Variants in RAD51C observed in about 807,000 individuals in gnomAD.
The protein encoded by RAD51C is DNA repair protein RAD51 homolog 3.
RAD51C carries 42 observed loss-of-function variants against 45.0 expected under a neutral mutation model. The ratio of observed to expected loss-of-function variants is 0.93; its 90% confidence interval spans 0.73 to 1.21. The LOEUF (loss-of-function observed/expected upper bound fraction) is 1.21. Ranked by LOEUF, RAD51C falls within the 50% of genes most tolerant of loss-of-function variation. RAD51C has a pLI of 0.00. For missense variants in RAD51C, 474 were observed against 452.2 expected (o/e 1.05, Z -0.44); for synonymous variants, 172 against 159.8 (o/e 1.08, Z -0.58).
At chr17:58,706,954 A>C (rs2048398875) in intron 4 of RAD51C, among the ~76,000 whole-genome samples, 1 of 152,158 alleles carries the variant, frequency 6.6e-6, no homozygotes. Flanking sequence ...AGAATTTTCT[A>C]CATCTCTAAG....
At chr17:58,694,771 G>A (rs763815083) in intron 1 of RAD51C, 160 bp from the exon 2 acceptor site, 8 of 805,728 alleles carry the variant, frequency 9.9e-6, no homozygotes, top group African/African-American at 3.4e-5. Context: ...CACTGTGTCC[G>A]GCCAAACTGA....
intron 7 of RAD51C, among the ~76,000 whole-genome samples, chr17:58,726,883 C>T (rs1400415809): frequency 4.0e-5 from 6 of 151,504 alleles, no homozygotes; most frequent in Admixed American, 1.3e-4. Flanking sequence ...TGCAGTGGCG[C>T]GATCTCGGCT....
chr17:58,713,984 C>T (rs75196458), intron 5 of RAD51C, among the ~76,000 whole-genome samples: 2 of 144,672 alleles, frequency 1.4e-5, no homozygotes, highest in Admixed American at 7.0e-5. Context: ...TGGTCTCTCT[C>T]TTTTTTTTTT....
At chr17:58,697,613 G>C (rs1315399143) in intron 3 of RAD51C, among the ~76,000 whole-genome samples, 1 of 151,822 alleles carries the variant, frequency 6.6e-6, no homozygotes, top group Non-Finnish European at 1.5e-5. Context: ...TTGACTTGGG[G>C]GCTTTGATTA....
At chr17:58,713,548 C>T (rs2048631064) in intron 5 of RAD51C, among the ~76,000 whole-genome samples, 1 of 152,026 alleles carries the variant, frequency 6.6e-6, no homozygotes, top group Non-Finnish European at 1.5e-5. Context: ...GTGGCTCACA[C>T]CTATAACCCA....
intron 3 of RAD51C, among the ~76,000 whole-genome samples, chr17:58,699,599 A>G (rs1344914372): frequency 6.6e-6 from 1 of 152,348 alleles, no homozygotes; most frequent in Non-Finnish European, 1.5e-5. Flanking sequence ...GAAAAGAAAC[A>G]GATAAATCTG....
In RAD51C at chr17:58,734,270, C is replaced by A; in HGVS notation, c.*48C>A. 1.3e-6 allele frequency: 2 copies of A among 1,579,468 alleles called. No individual in the cohort carries two copies. The highest frequency in any genetic ancestry group is 2.3e-5 in the South Asian group (2 of 87,618). ...TACAAATTTATTGATGTTGTGAAAT[C>A]AATGTGTACAAGTGGACTTGTTACC... On this transcript the variant is annotated 3_prime_UTR_variant, in exon 9 of 9. Transcript: ENST00000337432.
rs550987097 is a variant in RAD51C at position 58,722,492 on chromosome 17, G to A, written c.905-1548G>A. 5.9e-5 allele frequency among the ~76,000 whole-genome samples: 9 copies of A among 152,282 alleles called. 1 individual carries two copies. The highest frequency in any genetic ancestry group is 5.9e-4 in the Admixed American group (9 of 15,284). On this transcript the variant is annotated intron_variant, in intron 6 of 8. Coordinates refer to ENST00000337432, the MANE Select transcript of RAD51C (RefSeq NM_058216.3). ...TTACTTAAATTTAAATTGCACATGT[G>A]GCAAGTGACTGCCCTGTTGTGTAGT...
At chr17:58,712,713 G>C (rs1393963802) in intron 5 of RAD51C, among the ~76,000 whole-genome samples, 1 of 152,018 alleles carries the variant, frequency 6.6e-6, no homozygotes, top group African/African-American at 2.4e-5. Flanking sequence ...TCAGCTACTC[G>C]GGAGGCTGAG....
chr17:58,724,199 C>T, intron 7 of RAD51C, 99 bp downstream of exon 7: 1 of 1,166,450 alleles, frequency 8.6e-7, no homozygotes. Context: ...ATGAGATATA[C>T]AGTGACCCAT....
At chr17:58,702,137 A>T (rs1567793158) in intron 3 of RAD51C, among the ~76,000 whole-genome samples, 1 of 151,890 alleles carries the variant, frequency 6.6e-6, no homozygotes, top group African/African-American at 2.4e-5. Flanking sequence ...CTACGACCAG[A>T]GTTGCACACC....
At chr17:58,725,629 A>G (rs985860217) in intron 7 of RAD51C, among the ~76,000 whole-genome samples, 2 of 152,186 alleles carry the variant, frequency 1.3e-5, no homozygotes, top group Non-Finnish European at 2.9e-5. Context: ...AAGAGATCAG[A>G]AAATCACGCT....
intron 3 of RAD51C, among the ~76,000 whole-genome samples, chr17:58,698,719 C>A (rs1282335836): frequency 6.6e-6 from 1 of 151,250 alleles, no homozygotes; most frequent in Non-Finnish European, 1.5e-5. Context: ...GCGGGCGGAT[C>A]ACCTGAAGTC....
chr17:58,713,286 A>G (rs2048621882), intron 5 of RAD51C, among the ~76,000 whole-genome samples: 2 of 151,986 alleles, frequency 1.3e-5, no homozygotes, highest in Admixed American at 1.3e-4. Flanking sequence ...TAACAGCTGC[A>G]TAGTATTTTG....
intron 3 of RAD51C, 49 bp downstream of exon 3, chr17:58,696,908 T>G (rs1157812453): frequency 6.3e-7 from 1 of 1,595,368 alleles, no homozygotes; most frequent in South Asian, 1.1e-5. Flanking sequence ...AAAAGTAATT[T>G]GCATTTGTGC....
At chr17:58,727,078 C>G (rs978750218) in intron 7 of RAD51C, among the ~76,000 whole-genome samples, 1 of 151,520 alleles carries the variant, frequency 6.6e-6, no homozygotes, top group Non-Finnish European at 1.5e-5. Context: ...CCTCGGCCTC[C>G]CAAAGTGCTG....
intron 3 of RAD51C, among the ~76,000 whole-genome samples, chr17:58,699,446 A>AT (rs1008416681): frequency 0.011 from 1,555 of 145,746 alleles, 26 homozygotes; most frequent in African/African-American, 0.036. Flanking sequence ...AGTCAGCTGG[A>AT]TTTTTTTTTT....
At chr17:58,729,590 G>A (rs970829125) in intron 7 of RAD51C, among the ~76,000 whole-genome samples, 2 of 149,562 alleles carry the variant, frequency 1.3e-5, no homozygotes, top group Non-Finnish European at 3.0e-5. Flanking sequence ...TTTGTTTTTT[G>A]AGATGGAGTC....
At chr17:58,694,624 GCCACC>G in intron 1 of RAD51C, 2 of 363,678 alleles carry the variant, frequency 5.5e-6, no homozygotes, top group South Asian at 4.5e-5. Context: ...TATAACGCGT[GCCACC>G]ATGCCCGGCT....
Sources: gnomAD v4.1 joint callset for allele counts (sites outside exome capture counted in the v4.1 genomes callset) on GRCh38, gnomAD v4.1.1 for gene constraint, MANE v1.5 for transcripts, NCBI Gene and HGNC (gene_info 2026-07-23, HGNC 2026-07-21) for gene names.